CHMP3: variants seen among roughly 807,000 people sequenced by gnomAD.
The protein encoded by CHMP3 is charged multivesicular body protein 3.
In CHMP3, 8 loss-of-function variants were observed where a neutral mutation model predicts 27.4. That is an observed-to-expected ratio of 0.29 (90% CI 0.17 to 0.53). CHMP3 has a LOEUF of 0.53. Among genes scored for constraint, CHMP3 ranks in the 20% least tolerant of loss-of-function variants. The pLI is 0.96. For missense variants in CHMP3, 208 were observed against 271.5 expected (o/e 0.77, Z 1.64); for synonymous variants, 86 against 85.5 (o/e 1.01, Z -0.03).
rs770961924 is a variant in CHMP3, at chr2:86,529,189, A to G, written c.286+29T>C. On this transcript the variant is annotated intron_variant, in intron 3 of 5. Transcript: ENST00000263856. ...TAATAACAGCAACCCCGGCATTATG[A>G]GGTGACTGTAAGGTAAGTGCAGCCT... 7.8e-6 allele frequency: 12 copies of G among 1,544,520 alleles called. No individual in the cohort carries two copies. The South Asian group carries it at 1.5e-4, about 19-fold the overall frequency.
intron 1 of CHMP3, among the ~76,000 whole-genome samples, chr2:86,554,816 CGTGTGTGTGTGTGTGT>C (rs70956121): frequency 4.1e-5 from 6 of 145,384 alleles, no homozygotes; most frequent in African/African-American, 1.6e-4. Flanking sequence ...TGTGTGCGCG[CGTGTGTGTGTGTGTGT>C]GTGTGTGTGT....
In CHMP3 at chr2:86,504,210, T is replaced by G. The variant is rs573641591; in HGVS notation, c.*1594A>C. 6.6e-6 allele frequency: 1 copy of G among 152,296 alleles called. No homozygotes were observed. Among genetic ancestry groups the G allele is most frequent in the South Asian group, 2.1e-4 (1 of 4,824 alleles). The allele number at this position is 152,296 out of a possible 1,614,324, so 9.4% of individuals were successfully genotyped here. A position where few individuals can be genotyped will look rare whatever the true frequency, so the allele number is the denominator to read the frequency against. ...CATACATTTGTCTAAGCCCATACAA[T>G]GTACAACACCAGAGTGAATCTTCAT... On this transcript the variant is annotated 3_prime_UTR_variant, in exon 6 of 6. Transcript: ENST00000263856.
At chr2:86,551,567 A>G (rs1172479191) in intron 1 of CHMP3, among the ~76,000 whole-genome samples, 1 of 152,046 alleles carries the variant, frequency 6.6e-6, no homozygotes, top group Non-Finnish European at 1.5e-5. Flanking sequence ...ATGAACTCCA[A>G]TTTTTATACT....
In CHMP3 at chr2:86,563,391, C is replaced by G; in HGVS notation, c.-43G>C. ...TTGCCCCTTCCGGCTTTCAGTTCCC[C>G]GCGCCCAGGCAGGTCACGGGCAGCC... On this transcript the variant is annotated 5_prime_UTR_variant, in exon 1 of 6. Coordinates refer to ENST00000263856, the MANE Select transcript of CHMP3 (RefSeq NM_016079.4). 1 of 1,603,172 alleles carries G rather than the reference C, an allele frequency of 6.2e-7. No homozygotes were observed. Among genetic ancestry groups the G allele is most frequent in the African/African-American group, 1.4e-5 (1 of 70,566 alleles).
At position 86,510,477 on chromosome 2, in the gene CHMP3, C is replaced by T; in HGVS notation, c.289G>A (p.Val97Ile). ...VLMGMKNQLA[V>I]LRVAGSLQKS... ...TGCAGGGAACCAGCCACTCGCAAGA[C>T]CGCTGAAAGAGAATGTGTACAGTCA... The change falls in exon 4 of 6, where the codon GTC becomes ATC. Residue 97 changes from valine to isoleucine, a missense_variant and splice_region_variant. Transcript: ENST00000263856. 1 of 1,612,254 alleles carries T rather than the reference C, an allele frequency of 6.2e-7. No individual in the cohort carries two copies. Among genetic ancestry groups the T allele is most frequent in the Non-Finnish European group, 8.5e-7 (1 of 1,180,006 alleles).
At chr2:86,512,525 AGGTGT>A in intron 3 of CHMP3, 1 of 152,224 alleles carries the variant, frequency 6.6e-6, no homozygotes, top group Admixed American at 6.5e-5. Flanking sequence ...AAACGAAAAA[AGGTGT>A]GGCAGGTAAA....
chr2:86,555,335 C>A (rs907799020), intron 1 of CHMP3, among the ~76,000 whole-genome samples: 14 of 151,824 alleles, frequency 9.2e-5, no homozygotes, highest in African/African-American at 3.4e-4. Context: ...TAAGAAAATG[C>A]AATAAAGAGA....
chr2:86,542,832 T>C (rs1026536845), intron 1 of CHMP3: 1 of 152,350 alleles, frequency 6.6e-6, no homozygotes, highest in Non-Finnish European at 1.5e-5. Flanking sequence ...GCACTAAACA[T>C]AGGGTGGACT....
intron 1 of CHMP3, among the ~76,000 whole-genome samples, chr2:86,558,870 G>GAAAAA (rs550691701): frequency 9.2e-6 from 1 of 108,264 alleles, no homozygotes; most frequent in Non-Finnish European, 2.1e-5. Context: ...TCCCTTAAAA[G>GAAAAA]AAAAAAAAAA....
At chr2:86,530,213 G>A (rs762586942) in intron 2 of CHMP3, among the ~76,000 whole-genome samples, 4 of 152,010 alleles carry the variant, frequency 2.6e-5, no homozygotes, top group African/African-American at 7.3e-5. Context: ...GGCTGGTCTC[G>A]AACTGCTGAC....
intron 3 of CHMP3, among the ~76,000 whole-genome samples, chr2:86,513,307 A>G (rs1042678315): frequency 2.0e-5 from 3 of 152,262 alleles, no homozygotes; most frequent in African/African-American, 7.2e-5. Context: ...GAAAAGGCAA[A>G]ACTATGGAGA....
chr2:86,552,449 TCAC>T (rs1227023824), intron 1 of CHMP3, among the ~76,000 whole-genome samples: 1 of 151,998 alleles, frequency 6.6e-6, no homozygotes, highest in African/African-American at 2.4e-5. Flanking sequence ...ATTAGAAAAA[TCAC>T]CACTCTAAAA....
intron 2 of CHMP3, among the ~76,000 whole-genome samples, chr2:86,531,262 G>A (rs1675907659): frequency 6.6e-6 from 1 of 152,108 alleles, no homozygotes; most frequent in South Asian, 2.1e-4. Context: ...ACCCACCACA[G>A]CCTCCCAAAG....
intron 2 of CHMP3, among the ~76,000 whole-genome samples, chr2:86,534,588 G>T (rs944875983): frequency 1.3e-5 from 2 of 152,280 alleles, no homozygotes; most frequent in South Asian, 2.1e-4. Flanking sequence ...TATTATGGAA[G>T]AACTATTTCT....
rs374513440 is a variant in CHMP3, at chr2:86,505,028, T to C, written c.*776A>G. On this transcript the variant is annotated 3_prime_UTR_variant, in exon 6 of 6. Coordinates refer to ENST00000263856, the MANE Select transcript of CHMP3 (RefSeq NM_016079.4). ...GCTCCTGACTTTGAGAAAACACAGA[T>C]AGGAAGGCCCATGTCCCACGCACAA... 6 of 152,152 alleles carry C rather than the reference T, an allele frequency of 3.9e-5. No individual in the cohort carries two copies. The South Asian group carries it at 1.2e-3, about 32-fold the overall frequency. The allele number at this position is 152,152 out of a possible 1,614,324, so 9.4% of individuals were successfully genotyped here.
At chr2:86,545,024 C>T (rs1676518008) in intron 1 of CHMP3, among the ~76,000 whole-genome samples, 1 of 94,628 alleles carries the variant, frequency 1.1e-5, no homozygotes, top group Non-Finnish European at 2.3e-5. Context: ...TCCTCACCTC[C>T]CGGACGAAGG....
intron 2 of CHMP3, among the ~76,000 whole-genome samples, chr2:86,536,266 G>C (rs965353920): frequency 2.0e-5 from 3 of 152,152 alleles, no homozygotes; most frequent in Admixed American, 2.0e-4. Flanking sequence ...CCAAAGTGCT[G>C]GGATTACAGG....
chr2:86,528,776 T>C (rs1675807919), intron 3 of CHMP3, among the ~76,000 whole-genome samples: 1 of 152,180 alleles, frequency 6.6e-6, no homozygotes, highest in South Asian at 2.1e-4. Flanking sequence ...TACAGATTCC[T>C]AAGATGTGAG....
chr2:86,537,241 C>G (rs112330110), intron 2 of CHMP3, among the ~76,000 whole-genome samples: 2,264 of 151,954 alleles, frequency 0.015, 66 homozygotes, highest in African/African-American at 0.052. Flanking sequence ...CTTTATTTTA[C>G]CTGCTCAAAT....
Sources: gnomAD v4.1 joint callset for allele counts (sites outside exome capture counted in the v4.1 genomes callset) on GRCh38, gnomAD v4.1.1 for gene constraint, MANE v1.5 for transcripts, NCBI Gene and HGNC (gene_info 2026-07-23, HGNC 2026-07-21) for gene names.